The following RAP1GAP2 variants were observed in gnomAD, a reference collection of about 807,000 sequenced individuals.
RAP1GAP2 encodes rap1 GTPase-activating protein 2.
In RAP1GAP2, 27 loss-of-function variants were observed where a neutral mutation model predicts 95.0. The observed-to-expected ratio is 0.28, with a 90% CI of 0.21 to 0.39. RAP1GAP2 has a LOEUF of 0.39. Among genes scored for constraint, RAP1GAP2 ranks in the 10% least tolerant of loss-of-function variants. The pLI is 1.00. For missense variants in RAP1GAP2, 771 were observed against 970.0 expected (o/e 0.79, Z 2.72); for synonymous variants, 373 against 380.9 (o/e 0.98, Z 0.24).
chr17:2,846,114 T>A (rs76013001), intron 2 of RAP1GAP2, among the ~76,000 whole-genome samples: 1 of 148,536 alleles, frequency 6.7e-6, no homozygotes, highest in East Asian at 2.0e-4. Context: ...ACCCGGGAGG[T>A]GGAGGTTGTA....
intron 2 of RAP1GAP2, among the ~76,000 whole-genome samples, chr17:2,884,833 G>A (rs1326013545): frequency 6.6e-6 from 1 of 152,118 alleles, no homozygotes; most frequent in East Asian, 1.9e-4. Flanking sequence ...CTTGGCAGAG[G>A]AAGTAATCAT....
At chr17:2,835,774 C>T (rs183287074) in intron 2 of RAP1GAP2, among the ~76,000 whole-genome samples, 96 of 152,294 alleles carry the variant, frequency 6.3e-4, no homozygotes, top group African/African-American at 2.2e-3. Context: ...TTTAGTAGAA[C>T]GTCTCACATT....
At chr17:2,911,465 C>G (rs889148265) in intron 3 of RAP1GAP2, among the ~76,000 whole-genome samples, 10 of 151,764 alleles carry the variant, frequency 6.6e-5, no homozygotes, top group Admixed American at 1.3e-4. Flanking sequence ...TTTTCATGCC[C>G]CAATGGATCA....
At chr17:2,980,841 AAGAG>A (rs1393813517) in intron 9 of RAP1GAP2, among the ~76,000 whole-genome samples, 1 of 152,184 alleles carries the variant, frequency 6.6e-6, no homozygotes, top group Non-Finnish European at 1.5e-5. Flanking sequence ...GTGGGTGAGC[AAGAG>A]AGTCAGCTGG....
At chr17:2,835,720 C>A (rs1032735494) in intron 2 of RAP1GAP2, among the ~76,000 whole-genome samples, 2 of 152,144 alleles carry the variant, frequency 1.3e-5, no homozygotes, top group African/African-American at 4.8e-5. Flanking sequence ...CAGAGTGTGA[C>A]CCTGTCTATA....
At chr17:2,979,656 G>A (rs1233219166) in intron 8 of RAP1GAP2, among the ~76,000 whole-genome samples, 1 of 151,452 alleles carries the variant, frequency 6.6e-6, no homozygotes, top group Non-Finnish European at 1.5e-5. Context: ...TAGTAGAGAC[G>A]GGGTTTCACC....
chr17:2,996,228 G>A (rs1199007853), intron 13 of RAP1GAP2, among the ~76,000 whole-genome samples: 2 of 152,100 alleles, frequency 1.3e-5, no homozygotes, highest in Admixed American at 6.5e-5. Flanking sequence ...AGACCTGGAC[G>A]AGACCCCTGT....
At chr17:2,907,659 G>A (rs902387451) in intron 3 of RAP1GAP2, among the ~76,000 whole-genome samples, 1 of 152,140 alleles carries the variant, frequency 6.6e-6, no homozygotes, top group African/African-American at 2.4e-5. Context: ...ATAGGTGCTA[G>A]TTAGGCTAAG....
intron 2 of RAP1GAP2, among the ~76,000 whole-genome samples, chr17:2,832,837 G>A (rs142624399): frequency 0.017 from 2,617 of 151,878 alleles, 39 homozygotes; most frequent in Middle Eastern, 0.034. Flanking sequence ...GTAGCTGGGC[G>A]TGGTGGCACT....
chr17:3,028,692 C>T (rs1462736491), intron 22 of RAP1GAP2, among the ~76,000 whole-genome samples: 1 of 152,200 alleles, frequency 6.6e-6, no homozygotes, highest in African/African-American at 2.4e-5. Flanking sequence ...CATTCAGCCC[C>T]CTGTGGTTGG....
chr17:2,917,825 C>A (rs1377412315), intron 3 of RAP1GAP2, among the ~76,000 whole-genome samples: 1 of 152,094 alleles, frequency 6.6e-6, no homozygotes. Flanking sequence ...AAGTGATTCT[C>A]CTGCCTCAGC....
chr17:2,962,991 C>T, intron 5 of RAP1GAP2: 2 of 549,284 alleles, frequency 3.6e-6, no homozygotes, highest in Middle Eastern at 4.8e-4. Flanking sequence ...CTCTTCCCTA[C>T]CCTGTGCAGT....
At chr17:2,764,010 C>T (rs775611594) in intron 1 of RAP1GAP2, among the ~76,000 whole-genome samples, 60 of 151,888 alleles carry the variant, frequency 4.0e-4, no homozygotes, top group Non-Finnish European at 6.8e-4. Flanking sequence ...CTCACGTCCT[C>T]ATCTATAAAA....
In RAP1GAP2 at chr17:2,797,655, CA is replaced by C. The variant is rs375338341; in HGVS notation, c.44+1085del. ...AAGCACTTTGCCATCCATCCTCTGG[CA>C]GGGGGGGACTGTGGGCACTCCATGT... is the stretch of plus-strand genomic sequence containing the variant. On this transcript the variant is annotated intron_variant, in intron 1 of 24. Transcript: ENST00000254695. The surrounding 1 kb of genome is among the most constrained non-coding windows in gnomAD (Gnocchi z 5.6). The C allele has an allele frequency of 1.2e-4, 117 of 977,494 alleles. No homozygotes were observed. The South Asian group carries it at 4.1e-3, about 34-fold the overall frequency. 60.6% of individuals were successfully genotyped at this position (977,494 alleles called of 1,614,324 possible). A position where few individuals can be genotyped will look rare whatever the true frequency, so the allele number is the denominator to read the frequency against.
At chr17:3,022,410 C>T (rs1239742702) in intron 19 of RAP1GAP2, among the ~76,000 whole-genome samples, 1 of 152,110 alleles carries the variant, frequency 6.6e-6, no homozygotes, top group Admixed American at 6.5e-5. Flanking sequence ...TTCCGCTCCT[C>T]GGTATATACC....
chr17:2,816,157 G>C (rs568369145), intron 2 of RAP1GAP2, among the ~76,000 whole-genome samples: 2 of 152,024 alleles, frequency 1.3e-5, no homozygotes, highest in African/African-American at 2.4e-5. Context: ...GAAGAGGCCC[G>C]AGCCGGCTCC....
chr17:3,002,367 C>A (rs1045920671), intron 14 of RAP1GAP2, among the ~76,000 whole-genome samples: 1 of 152,270 alleles, frequency 6.6e-6, no homozygotes, highest in Admixed American at 6.5e-5. Flanking sequence ...GTACCTTGAT[C>A]GTGCACTCCA....
chr17:2,833,668 A>C (rs374210922), intron 2 of RAP1GAP2, among the ~76,000 whole-genome samples: 5 of 142,652 alleles, frequency 3.5e-5, no homozygotes, highest in South Asian at 2.4e-4. Flanking sequence ...CCAACCTGGG[A>C]GACACAGCGA....
Position 2,904,099 on chromosome 17 carries a change from A to G in RAP1GAP2, c.81-1185A>G, listed in dbSNP as rs1159090835. On this transcript the variant is annotated intron_variant, in intron 2 of 24. Coordinates refer to ENST00000254695, the MANE Select transcript of RAP1GAP2 (RefSeq NM_015085.5). This position sits in a 1 kb window ranked among gnomAD's most constrained non-coding sequence, Gnocchi z 4.7. Reference sequence around the variant, plus strand: ...AGAGCGGGGCTGTAGAGGAGGACACACTTGTAAAGTTGGGGGCTTTGACGG... The same window carrying G: ...AGAGCGGGGCTGTAGAGGAGGACACGCTTGTAAAGTTGGGGGCTTTGACGG... 2.0e-5 allele frequency among the ~76,000 whole-genome samples: 3 copies of G among 152,134 alleles called. No individual in the cohort carries two copies. Among genetic ancestry groups the G allele is most frequent in the African/African-American group, 7.2e-5 (3 of 41,426 alleles).
Sources: gnomAD v4.1 joint callset for allele counts (sites outside exome capture counted in the v4.1 genomes callset) on GRCh38, gnomAD v4.1.1 for gene constraint, Gnocchi (gnomAD v3.1) non-coding constraint, MANE v1.5 for transcripts, NCBI Gene and HGNC (gene_info 2026-07-23, HGNC 2026-07-21) for gene names.